The following SPN variants were observed in gnomAD, a reference collection of about 807,000 sequenced individuals.
SPN encodes sialophorin.
In SPN, 6 loss-of-function variants were observed where a neutral mutation model predicts 8.4. The ratio of observed to expected loss-of-function variants is 0.72; its 90% CI spans 0.39 to 1.42. The LOEUF is 1.42. Among genes scored for constraint, SPN ranks in the 40% most tolerant of loss-of-function variants. The pLI is 0.02. For synonymous variants in SPN, 201 were observed against 222.6 expected (o/e 0.90, Z 0.86); for missense variants, 517 against 530.6 (o/e 0.97, Z 0.25).
chr16:29,669,436 G>A lies in SPN; in HGVS notation c.*4505G>A, dbSNP rs1966842617. 1 of 161,376 alleles carries A rather than the reference G, an allele frequency of 6.2e-6. No homozygotes were observed. Among genetic ancestry groups the A allele is most frequent in the Non-Finnish European group, 1.5e-5 (1 of 67,820 alleles). The allele number at this position is 161,376 out of a possible 1,614,324, so 10.0% of individuals were successfully genotyped here. A position where few individuals can be genotyped will look rare whatever the true frequency, so the allele number is the denominator to read the frequency against. ...AGCTGGTCTTGAACTCCCGACCTCT[G>A]CTGATCCGTATGCCTCGGCCTCCCA... is the stretch of plus-strand genomic sequence containing the variant. On this transcript the variant is annotated 3_prime_UTR_variant, in exon 2 of 2. Coordinates refer to ENST00000652691, the MANE Select transcript of SPN (RefSeq NM_003123.6).
In SPN at chr16:29,667,220, A is replaced by G. The variant is rs972759035; in HGVS notation, c.*2289A>G. The G allele has an allele frequency of 3.3e-5, 12 of 360,556 alleles. No individual in the cohort carries two copies. Among genetic ancestry groups the G allele is most frequent in the African/African-American group, 2.6e-4 (12 of 46,706 alleles). 22.3% of individuals were successfully genotyped at this position (360,556 alleles called of 1,614,324 possible). On this transcript the variant is annotated 3_prime_UTR_variant, in exon 2 of 2. Coordinates refer to ENST00000652691, the MANE Select transcript of SPN (RefSeq NM_003123.6). Reference sequence around the variant, plus strand: ...CTGCAGCTGCAGAATGACAGAGGCCATGTCCAAAATCCCTTAGAGACACTG... The same window carrying G: ...CTGCAGCTGCAGAATGACAGAGGCCGTGTCCAAAATCCCTTAGAGACACTG...
chr16:29,666,520 T>TCACA lies in SPN; in HGVS notation c.*1590_*1591insACAC, dbSNP rs1402543215. Reference sequence around the variant, plus strand: ...CATGTGCGCTCTCTCTCTCTCTCTCTCTCTCACACACACACACACACACAC... The same window carrying TCACA: ...CATGTGCGCTCTCTCTCTCTCTCTCTCACACTCTCACACACACACACACACACAC... On this transcript the variant is annotated 3_prime_UTR_variant, in exon 2 of 2. Transcript: ENST00000652691. 2.3e-3 allele frequency: 304 copies of TCACA among 133,416 alleles called. 3 individuals are homozygous for TCACA. The highest frequency in any genetic ancestry group is 9.7e-3 in the African/African-American group (277 of 28,614). The allele number at this position is 133,416 out of a possible 1,614,324, so 8.3% of individuals were successfully genotyped here.
At position 29,663,574 on chromosome 16, in the gene SPN, GA is replaced by G. The variant is rs757613183; in HGVS notation, c.-34-115del. 2.9e-6 allele frequency: 3 copies of G among 1,042,786 alleles called. No individual in the cohort carries two copies. The highest frequency in any genetic ancestry group is 1.6e-5 in the South Asian group (1 of 62,106). The allele number at this position is 1,042,786 out of a possible 1,614,324, so 64.6% of individuals were successfully genotyped here. A position where few individuals can be genotyped will look rare whatever the true frequency, so the allele number is the denominator to read the frequency against. On this transcript the variant is annotated intron_variant, in intron 1 of 1. Coordinates refer to ENST00000652691, the MANE Select transcript of SPN (RefSeq NM_003123.6). This position sits in a 1 kb window ranked among gnomAD's most constrained non-coding sequence, Gnocchi z 4.3. ...TCTGATAACAGTAAAAGCCAGCATG[GA>G]AAAAACCGTTAAACCGCAGGTTGGG...
rs1567322348 is a variant in SPN, at chr16:29,668,715, T to TGGGATTATAAGTGTGAGCCA, written c.*3793_*3794insAGTGTGAGCCAGGGATTATA. 3 of 165,876 alleles carry TGGGATTATAAGTGTGAGCCA rather than the reference T, an allele frequency of 1.8e-5. No homozygotes were observed. Among genetic ancestry groups the TGGGATTATAAGTGTGAGCCA allele is most frequent in the South Asian group, 2.1e-4 (1 of 4,754 alleles). 10.3% of individuals were successfully genotyped at this position (165,876 alleles called of 1,614,324 possible). A position where few individuals can be genotyped will look rare whatever the true frequency, so the allele number is the denominator to read the frequency against. On this transcript the variant is annotated 3_prime_UTR_variant, in exon 2 of 2. Transcript: ENST00000652691. The stretch of plus-strand genomic sequence containing the variant: ...CTCCCACCTAAGCTTCCCCAAATAC[T>TGGGATTATAAGTGTGAGCCA]GGGATTATAGGTGTGAGCCACTGTG...
rs1222243782 is a variant in SPN at position 29,670,220 on chromosome 16, G to C, written c.*5289G>C. On this transcript the variant is annotated 3_prime_UTR_variant, in exon 2 of 2. Transcript: ENST00000652691. The stretch of plus-strand genomic sequence containing the variant: ...CTCAAAAGAAAGAACATGGCCAGGC[G>C]TGGTGGCTCACACCTGTAATCCCAG... The C allele has an allele frequency of 1.3e-5, 2 of 153,560 alleles. No individual in the cohort carries two copies. The allele number at this position is 153,560 out of a possible 1,614,324, so 9.5% of individuals were successfully genotyped here.
Position 29,663,400 on chromosome 16 carries a change from G to T in SPN, c.-35+84G>T. ...GCTTGAAAAGACTCTGACAGGTTAT[G>T]ATGGGAAGAGATTGGGAGCCATTGG... On this transcript the variant is annotated intron_variant, in intron 1 of 1. Coordinates refer to ENST00000652691, the MANE Select transcript of SPN (RefSeq NM_003123.6). The surrounding 1 kb of genome is among the most constrained non-coding windows in gnomAD (Gnocchi z 4.3). The T allele has an allele frequency of 3.9e-6, 1 of 257,212 alleles. No individual in the cohort carries two copies. Among genetic ancestry groups the T allele is most frequent in the South Asian group, 8.1e-5 (1 of 12,356 alleles). The allele number at this position is 257,212 out of a possible 1,614,324, so 15.9% of individuals were successfully genotyped here. A position where few individuals can be genotyped will look rare whatever the true frequency, so the allele number is the denominator to read the frequency against.
In SPN at chr16:29,664,539, G is replaced by GTGGC; in HGVS notation, c.813_816dup (p.Leu273GlyfsTer26). The GTGGC allele has an allele frequency of 6.2e-7, 1 of 1,613,878 alleles. No individual in the cohort carries two copies. Among genetic ancestry groups the GTGGC allele is most frequent in the Admixed American group, 1.7e-5 (1 of 60,008 alleles). ...GGCCCTGCTGGCGGTCATAGTCCTC[G>GTGGC]TGGCTCTGCTCCTGCTGTGGCGCCG... On this transcript the variant is annotated frameshift_variant, in exon 2 of 2. Coordinates refer to ENST00000652691, the MANE Select transcript of SPN (RefSeq NM_003123.6). LOFTEE classifies it high-confidence loss of function. This position sits in a 1 kb window ranked among gnomAD's most constrained non-coding sequence, Gnocchi z 6.4.
At position 29,663,608 on chromosome 16, in the gene SPN, G is replaced by A. The variant is rs1267331362; in HGVS notation, c.-34-87G>A. ...GTTAAACCGCAGGTTGGGCCTGGCCGTTGGCAGGGAAGTGGGCAGAGGGGA... is the reference window on the plus strand; with the variant it reads ...GTTAAACCGCAGGTTGGGCCTGGCCATTGGCAGGGAAGTGGGCAGAGGGGA... On this transcript the variant is annotated intron_variant, in intron 1 of 1. Transcript: ENST00000652691. This position sits in a 1 kb window ranked among gnomAD's most constrained non-coding sequence, Gnocchi z 4.3. The A allele has an allele frequency of 2.8e-5, 40 of 1,408,392 alleles. No homozygotes were observed. Among genetic ancestry groups the A allele is most frequent in the Middle Eastern group, 2.6e-4 (1 of 3,788 alleles). 87.2% of individuals were successfully genotyped at this position (1,408,392 alleles called of 1,614,324 possible).
rs2142285274 is a variant in SPN, at chr16:29,668,717, GGAT to G, written c.*3787_*3789del. The G allele has an allele frequency of 6.0e-6, 1 of 167,136 alleles. No homozygotes were observed. The highest frequency in any genetic ancestry group is 2.1e-4 in the South Asian group (1 of 4,824). The allele number at this position is 167,136 out of a possible 1,614,324, so 10.4% of individuals were successfully genotyped here. A position where few individuals can be genotyped will look rare whatever the true frequency, so the allele number is the denominator to read the frequency against. ...CCCACCTAAGCTTCCCCAAATACTG[GGAT>G]TATAGGTGTGAGCCACTGTGCCCAG... On this transcript the variant is annotated 3_prime_UTR_variant, in exon 2 of 2. Coordinates refer to ENST00000652691, the MANE Select transcript of SPN (RefSeq NM_003123.6).
At position 29,664,224 on chromosome 16, in the gene SPN, G is replaced by C. The variant is rs1555489856; in HGVS notation, c.496G>C (p.Gly166Arg). ...SSLETSRGTS[G>R]PPLTMATVSL... is the part of the protein sequence containing the mutation. Reference sequence around the variant, plus strand: ...TCTGGAGACCTCCAGAGGCACCTCTGGACCCCCTCTTACCATGGCAACTGT... The same window carrying C: ...TCTGGAGACCTCCAGAGGCACCTCTCGACCCCCTCTTACCATGGCAACTGT... The change falls in exon 2 of 2, where the codon GGA becomes CGA. Residue 166 changes from glycine to arginine, a missense_variant. Coordinates refer to ENST00000652691, the MANE Select transcript of SPN (RefSeq NM_003123.6). This position sits in a 1 kb window ranked among gnomAD's most constrained non-coding sequence, Gnocchi z 6.4. 4 of 1,613,772 alleles carry C rather than the reference G, an allele frequency of 2.5e-6. No homozygotes were observed. Among genetic ancestry groups the C allele is most frequent in the Non-Finnish European group, 3.4e-6 (4 of 1,179,924 alleles).
rs749429979 is a variant in SPN, at chr16:29,666,923, G to A, written c.*1992G>A. The A allele has an allele frequency of 3.2e-5, 15 of 470,778 alleles. No individual in the cohort carries two copies. The highest frequency in any genetic ancestry group is 1.3e-5 in the Non-Finnish European group (3 of 226,920). 29.2% of individuals were successfully genotyped at this position (470,778 alleles called of 1,614,324 possible). A position where few individuals can be genotyped will look rare whatever the true frequency, so the allele number is the denominator to read the frequency against. On this transcript the variant is annotated 3_prime_UTR_variant, in exon 2 of 2. Coordinates refer to ENST00000652691, the MANE Select transcript of SPN (RefSeq NM_003123.6). Reference sequence around the variant, plus strand: ...GGAAGTTGTTGAGTTAGAGCTTGCGGTGGCTGAGAGCAGACAGGTTGACCT... The same window carrying A: ...GGAAGTTGTTGAGTTAGAGCTTGCGATGGCTGAGAGCAGACAGGTTGACCT...
Position 29,663,722 on chromosome 16 carries a change from C to T in SPN, c.-7C>T. ...CCCAGCTCTTGCTCCTGCCTGTTTG[C>T]CTGGAAATGGCCACGCTTCTCCTTC... On this transcript the variant is annotated 5_prime_UTR_variant, in exon 2 of 2. Coordinates refer to ENST00000652691, the MANE Select transcript of SPN (RefSeq NM_003123.6). The surrounding 1 kb of genome is among the most constrained non-coding windows in gnomAD (Gnocchi z 4.3). The T allele has an allele frequency of 1.3e-6, 2 of 1,548,582 alleles. No individual in the cohort carries two copies. The highest frequency in any genetic ancestry group is 1.7e-6 in the Non-Finnish European group (2 of 1,150,022).
At position 29,670,656 on chromosome 16, in the gene SPN, A is replaced by G; in HGVS notation, c.*5725A>G. ...CCAGCAATATAATGTTAAGTGGGGA[A>G]AAAAGCAAGTTACTCCTCTGTAATA... On this transcript the variant is annotated 3_prime_UTR_variant, in exon 2 of 2. Coordinates refer to ENST00000652691, the MANE Select transcript of SPN (RefSeq NM_003123.6). 2.4e-6 allele frequency: 1 copy of G among 413,828 alleles called. No homozygotes were observed. The highest frequency in any genetic ancestry group is 4.9e-6 in the Non-Finnish European group (1 of 205,870). 25.6% of individuals were successfully genotyped at this position (413,828 alleles called of 1,614,324 possible). A position where few individuals can be genotyped will look rare whatever the true frequency, so the allele number is the denominator to read the frequency against.
At position 29,667,856 on chromosome 16, in the gene SPN, C is replaced by T. The variant is rs1966835186; in HGVS notation, c.*2925C>T. On this transcript the variant is annotated 3_prime_UTR_variant, in exon 2 of 2. Coordinates refer to ENST00000652691, the MANE Select transcript of SPN (RefSeq NM_003123.6). Reference sequence around the variant, plus strand: ...ACCAAGGAAAATGGTGCATTCATAACTCTCAGGTGAAGCCTACCAAGCCAT... The same window carrying T: ...ACCAAGGAAAATGGTGCATTCATAATTCTCAGGTGAAGCCTACCAAGCCAT... 6.0e-6 allele frequency: 1 copy of T among 166,098 alleles called. No individual in the cohort carries two copies. Among genetic ancestry groups the T allele is most frequent in the Non-Finnish European group, 1.5e-5 (1 of 68,122 alleles). 10.3% of individuals were successfully genotyped at this position (166,098 alleles called of 1,614,324 possible).
chr16:29,666,760 A>T lies in SPN; in HGVS notation c.*1829A>T. 2.5e-6 allele frequency: 1 copy of T among 398,660 alleles called. No homozygotes were observed. The highest frequency in any genetic ancestry group is 1.9e-5 in the South Asian group (1 of 53,700). The allele number at this position is 398,660 out of a possible 1,614,324, so 24.7% of individuals were successfully genotyped here. A position where few individuals can be genotyped will look rare whatever the true frequency, so the allele number is the denominator to read the frequency against. ...GTGAAGGAGGGGCCTGGAGCCAGGG[A>T]CTTCCCCTGTGGGGCCTGGGTGGAG... On this transcript the variant is annotated 3_prime_UTR_variant, in exon 2 of 2. Transcript: ENST00000652691.
Position 29,664,004 on chromosome 16 carries a change from A to G in SPN, c.276A>G (p.Pro92=), listed in dbSNP as rs769876099. The G allele has an allele frequency of 6.2e-7, 1 of 1,614,090 alleles. No homozygotes were observed. Residue 92 remains proline (P), a synonymous_variant, in exon 2 of 2, where the codon CCA becomes CCG. Transcript: ENST00000652691. This position sits in a 1 kb window ranked among gnomAD's most constrained non-coding sequence, Gnocchi z 6.4. The stretch of plus-strand genomic sequence containing the variant: ...GCACTGGTTCCCCTTTACCTGAGCC[A>G]ACAACCTACCAGGAAGTTTCCATCA... The part of the protein sequence containing the change: ...GASTGSPLPE[P]TTYQEVSIKM...
rs965131527 is a variant in SPN at position 29,669,014 on chromosome 16, G to A, written c.*4083G>A. On this transcript the variant is annotated 3_prime_UTR_variant, in exon 2 of 2. Transcript: ENST00000652691. The stretch of plus-strand genomic sequence containing the variant: ...ACACAAAAAATTAGCCAGGCGTGGT[G>A]GTGCATGCCTGTAGTACCAGCTACT... 4.8e-5 allele frequency: 8 copies of A among 166,648 alleles called. No individual in the cohort carries two copies. The highest frequency in any genetic ancestry group is 1.9e-4 in the African/African-American group (8 of 41,350). 10.3% of individuals were successfully genotyped at this position (166,648 alleles called of 1,614,324 possible). A position where few individuals can be genotyped will look rare whatever the true frequency, so the allele number is the denominator to read the frequency against.
Position 29,663,566 on chromosome 16 carries a change from C to T in SPN, c.-34-129C>T. Reference sequence around the variant, plus strand: ...CTGTCATTTCTGATAACAGTAAAAGCCAGCATGGAAAAAACCGTTAAACCG... The same window carrying T: ...CTGTCATTTCTGATAACAGTAAAAGTCAGCATGGAAAAAACCGTTAAACCG... On this transcript the variant is annotated intron_variant, in intron 1 of 1. Coordinates refer to ENST00000652691, the MANE Select transcript of SPN (RefSeq NM_003123.6). The surrounding 1 kb of genome is among the most constrained non-coding windows in gnomAD (Gnocchi z 4.3). 1 of 927,692 alleles carries T rather than the reference C, an allele frequency of 1.1e-6. No homozygotes were observed. Among genetic ancestry groups the T allele is most frequent in the Non-Finnish European group, 1.6e-6 (1 of 619,370 alleles). The allele number at this position is 927,692 out of a possible 1,614,324, so 57.5% of individuals were successfully genotyped here. A position where few individuals can be genotyped will look rare whatever the true frequency, so the allele number is the denominator to read the frequency against.
At position 29,667,308 on chromosome 16, in the gene SPN, G is replaced by A. The variant is rs1044399471; in HGVS notation, c.*2377G>A. 2 of 265,258 alleles carry A rather than the reference G, an allele frequency of 7.5e-6. No homozygotes were observed. Among genetic ancestry groups the A allele is most frequent in the East Asian group, 9.1e-5 (1 of 11,016 alleles). 16.4% of individuals were successfully genotyped at this position (265,258 alleles called of 1,614,324 possible). On this transcript the variant is annotated 3_prime_UTR_variant, in exon 2 of 2. Coordinates refer to ENST00000652691, the MANE Select transcript of SPN (RefSeq NM_003123.6). ...GGTTTAGAAAATACTGTCACCGAAC[G>A]AACGTCGCTGTCCTCAGCTCCACCT...
Sources: gnomAD v4.1 joint callset for allele counts on GRCh38, gnomAD v4.1.1 for gene constraint, Gnocchi (gnomAD v3.1) non-coding constraint, MANE v1.5 for transcripts, NCBI Gene and HGNC (gene_info 2026-07-23, HGNC 2026-07-21) for gene names.